Variants in SUMF1 observed in about 807,000 individuals in gnomAD.
The protein encoded by SUMF1 is formylglycine-generating enzyme.
In SUMF1, 48 loss-of-function variants were observed where a neutral mutation model predicts 47.6. The observed-to-expected ratio is 1.01, with a 90% CI of 0.80 to 1.28. The LOEUF (loss-of-function observed/expected upper bound fraction) is 1.28, where lower values mean the gene tolerates loss of function less well. SUMF1 is among the 50% of genes most tolerant of loss of function. The pLI is 0.00. For missense variants in SUMF1, 571 were observed against 485.4 expected, an observed-to-expected ratio of 1.18 and a Z score of -1.66; for synonymous variants, 230 against 192.1, an observed-to-expected ratio of 1.20 and a Z score of -1.63.
At chr3:4,213,192 C>T (rs1461166864) in intron 8 of SUMF1, among the ~76,000 whole-genome samples, 1 of 152,092 alleles carries the variant, frequency 6.6e-6, no homozygotes, top group African/African-American at 2.4e-5. Context: ...AAGGAGAGCC[C>T]ATCAGACTAA....
chr3:4,257,747 A>G (rs979743446), intron 8 of SUMF1, among the ~76,000 whole-genome samples: 17 of 151,992 alleles, frequency 1.1e-4, no homozygotes, highest in African/African-American at 4.1e-4. Context: ...TCTTCACAGA[A>G]TTGGAAAAAA....
At chr3:4,229,254 CA>C (rs1696242575) in intron 8 of SUMF1, 1 of 310,488 alleles carries the variant, frequency 3.2e-6, no homozygotes, top group Non-Finnish European at 6.3e-6. Context: ...ATCCACTGCC[CA>C]CCCGGACAAT....
At chr3:4,336,486 C>G (rs1236011788) in intron 8 of SUMF1, among the ~76,000 whole-genome samples, 1 of 152,164 alleles carries the variant, frequency 6.6e-6, no homozygotes, top group Non-Finnish European at 1.5e-5. Flanking sequence ...TTACAGTTAT[C>G]TATTTGGGTA....
chr3:4,153,262 G>A lies in SUMF1; in HGVS notation c.1015-84517C>T, dbSNP rs948178027. The stretch of plus-strand genomic sequence containing the variant: ...GGATGTAACTCTGTTGCCCAGGCTG[G>A]AATGCAGTAAGCAATCATAGCTCAC... On this transcript the variant is annotated intron_variant and NMD_transcript_variant, in intron 8 of 12. Transcript: ENST00000448413. Among the ~76,000 whole-genome samples the A allele has an allele frequency of 7.9e-5, 12 of 151,430 alleles. 1 individual carries two copies. The highest frequency in any genetic ancestry group is 2.9e-4 in the African/African-American group (12 of 40,782).
intron 8 of SUMF1, among the ~76,000 whole-genome samples, chr3:4,339,309 A>AG (rs979969435): frequency 6.6e-6 from 1 of 152,134 alleles, no homozygotes; most frequent in African/African-American, 2.4e-5. Context: ...CCCACAGCTC[A>AG]GGGGGTACCC....
At chr3:4,224,103 A>G (rs1696125102) in intron 8 of SUMF1, among the ~76,000 whole-genome samples, 1 of 152,074 alleles carries the variant, frequency 6.6e-6, no homozygotes, top group African/African-American at 2.4e-5. Flanking sequence ...AATTGAGGGG[A>G]ACAGTGCAAG....
Position 4,450,480 on chromosome 3 carries a change from T to C in SUMF1, c.445-1140A>G, listed in dbSNP as rs145654887. 4.0e-3 allele frequency among the ~76,000 whole-genome samples: 609 copies of C among 152,320 alleles called. 4 individuals carry two copies. Among genetic ancestry groups the C allele is most frequent in the Middle Eastern group, 0.014 (4 of 294 alleles). On this transcript the variant is annotated intron_variant, in intron 2 of 8. Transcript: ENST00000272902. Reference sequence around the variant, plus strand: ...CCCCTAATCTTCTTCCTGCATTCCCTTGTGACACTGCCATGACTAACTACC... The same window carrying C: ...CCCCTAATCTTCTTCCTGCATTCCCCTGTGACACTGCCATGACTAACTACC...
At chr3:4,415,905 A>G (rs1031978659) in intron 6 of SUMF1, among the ~76,000 whole-genome samples, 1 of 152,234 alleles carries the variant, frequency 6.6e-6, no homozygotes, top group African/African-American at 2.4e-5. Context: ...GGGAGGACAC[A>G]GCATTAGTCC....
At chr3:4,254,391 A>C (rs1433708468) in intron 8 of SUMF1, among the ~76,000 whole-genome samples, 10 of 151,126 alleles carry the variant, frequency 6.6e-5, no homozygotes, top group Non-Finnish European at 7.4e-5. Context: ...ATGTATAACT[A>C]GAATAACCAA....
At chr3:4,080,603 T>A (rs1426140752) in intron 8 of SUMF1, among the ~76,000 whole-genome samples, 1 of 152,126 alleles carries the variant, frequency 6.6e-6, no homozygotes, top group Non-Finnish European at 1.5e-5. Context: ...CCAAACAATG[T>A]TCTAAAAAGG....
intron 8 of SUMF1, among the ~76,000 whole-genome samples, chr3:4,153,889 A>G (rs947332720): frequency 6.6e-6 from 1 of 151,558 alleles, no homozygotes; most frequent in African/African-American, 2.4e-5. Context: ...GTCAAGTTCC[A>G]TCTTTATCTT....
At chr3:4,220,903 T>A (rs1696045789) in intron 8 of SUMF1, among the ~76,000 whole-genome samples, 1 of 152,142 alleles carries the variant, frequency 6.6e-6, no homozygotes, top group Non-Finnish European at 1.5e-5. Context: ...TTGGTTCATT[T>A]GAGTTCAGAG....
intron 1 of SUMF1, among the ~76,000 whole-genome samples, chr3:4,460,037 G>A (rs980594711): frequency 1.3e-5 from 2 of 152,178 alleles, no homozygotes; most frequent in African/African-American, 4.8e-5. Context: ...GAAAAAAGAA[G>A]AGGGGGATAA....
chr3:4,356,844 G>A (rs939741499), downstream of SUMF1, among the ~76,000 whole-genome samples: 1 of 152,212 alleles, frequency 6.6e-6, no homozygotes, highest in Non-Finnish European at 1.5e-5. Context: ...GACGAGAACA[G>A]AGCAGTGGCA....
intron 7 of SUMF1, among the ~76,000 whole-genome samples, chr3:4,406,420 C>CA (rs1226115270): frequency 6.6e-6 from 1 of 152,110 alleles, no homozygotes; most frequent in South Asian, 2.1e-4. Context: ...CTTCGGGAGG[C>CA]GGAGGCAGGT....
At chr3:4,210,946 A>G (rs1430192399) in intron 8 of SUMF1, among the ~76,000 whole-genome samples, 4 of 151,456 alleles carry the variant, frequency 2.6e-5, no homozygotes. Flanking sequence ...GCCTCCCAGC[A>G]TACATCTTTC....
At chr3:4,412,958 A>G (rs1344467120) in intron 6 of SUMF1, among the ~76,000 whole-genome samples, 2 of 152,146 alleles carry the variant, frequency 1.3e-5, no homozygotes, top group Non-Finnish European at 2.9e-5. Flanking sequence ...TATAGAGCAC[A>G]GGTGGAGGTG....
At position 4,183,472 on chromosome 3, in the gene SUMF1, G is replaced by A. The variant is rs897743216; in HGVS notation, c.1015-114727C>T. On this transcript the variant is annotated intron_variant and NMD_transcript_variant, in intron 8 of 12. Coordinates refer to the SUMF1 transcript ENST00000448413. ...GAATTTGTAATGTAAACAAATAGGA[G>A]ACTAATAATTTGGAGACAGGAGGAA... is the stretch of plus-strand genomic sequence containing the variant. 6.6e-5 allele frequency among the ~76,000 whole-genome samples: 10 copies of A among 152,102 alleles called. 1 individual carries two copies. The highest frequency in any genetic ancestry group is 1.7e-4 in the African/African-American group (7 of 41,420).
intron 8 of SUMF1, among the ~76,000 whole-genome samples, chr3:4,174,387 C>T (rs1174986924): frequency 1.3e-5 from 2 of 150,504 alleles, no homozygotes; most frequent in Non-Finnish European, 3.0e-5. Context: ...ATTATGGTTA[C>T]CCAGTTTGGA....
Sources: allele counts gnomAD v4.1 joint callset (sites outside exome capture counted in the v4.1 genomes callset), GRCh38; gene constraint gnomAD v4.1.1; transcripts MANE v1.5; gene names NCBI Gene and HGNC (gene_info 2026-07-23, HGNC 2026-07-21).